LY6H: variants seen among roughly 807,000 people sequenced by gnomAD.
LY6H encodes the protein lymphocyte antigen 6 family member H.
LY6H carries 8 observed loss-of-function variants against 14.6 expected under a neutral mutation model. The observed-to-expected ratio is 0.55, with a 90% CI of 0.32 to 0.99. LY6H has a LOEUF of 0.99. LY6H is among the 50% of genes least tolerant of loss of function. The pLI is 0.04. For synonymous variants in LY6H, 115 were observed against 97.2 expected, an observed-to-expected ratio of 1.18 and a Z score of -1.08; for missense variants, 196 against 219.6, an observed-to-expected ratio of 0.89 and a Z score of 0.68.
In LY6H at chr8:143,160,221, G is replaced by A. The variant is rs761914640; in HGVS notation, c.-22C>T. Reference sequence around the variant, plus strand: ...ACATCCCGGGGGTGTCCGCACTCCGGGCTCGGGCGGCGTGCGCGGCGCGGG... The same window carrying A: ...ACATCCCGGGGGTGTCCGCACTCCGAGCTCGGGCGGCGTGCGCGGCGCGGG... On this transcript the variant is annotated 5_prime_UTR_variant, in exon 1 of 4. Coordinates refer to ENST00000342752, the MANE Select transcript of LY6H (RefSeq NM_001135655.2). 7.8e-7 allele frequency: 1 copy of A among 1,282,574 alleles called. No individual in the cohort carries two copies. Among genetic ancestry groups the A allele is most frequent in the Non-Finnish European group, 9.9e-7 (1 of 1,014,114 alleles). 79.4% of individuals were successfully genotyped at this position (1,282,574 alleles called of 1,614,324 possible).
intron 2 of LY6H, 122 bp downstream of exon 2, chr8:143,159,460 G>A: frequency 1.7e-6 from 2 of 1,189,526 alleles, no homozygotes; most frequent in Non-Finnish European, 2.2e-6. Flanking sequence ...TCCCGGAGGG[G>A]GCGTGGGCTC....
rs777706253 is a variant in LY6H, at chr8:143,160,186, G to A, written c.2+12C>T. 9 of 1,284,182 alleles carry A rather than the reference G, an allele frequency of 7.0e-6. No homozygotes were observed. The Admixed American group carries it at 2.5e-4, about 36-fold the overall frequency. The allele number at this position is 1,284,182 out of a possible 1,614,324, so 79.5% of individuals were successfully genotyped here. A position where few individuals can be genotyped will look rare whatever the true frequency, so the allele number is the denominator to read the frequency against. The stretch of plus-strand genomic sequence containing the variant: ...GTGGAGCGCGGGCCTCGGGGTCGGG[G>A]GGCTCACTCACATCCCGGGGGTGTC... On this transcript the variant is annotated intron_variant, in intron 1 of 3. Coordinates refer to ENST00000342752, the MANE Select transcript of LY6H (RefSeq NM_001135655.2).
At chr8:143,159,991 G>C (rs373677564) in intron 1 of LY6H, 3 of 1,230,256 alleles carry the variant, frequency 2.4e-6, no homozygotes, top group African/African-American at 3.1e-5. Context: ...CTGCAGGTGC[G>C]TCCGGACAGG....
Position 143,160,240 on chromosome 8 carries a change from G to A in LY6H, c.-41C>T. ...ACTCCGGGCTCGGGCGGCGTGCGCG[G>A]CGCGGGGAGCTGTGCCCTTCGGTCT... is the stretch of plus-strand genomic sequence containing the variant. On this transcript the variant is annotated 5_prime_UTR_variant, in exon 1 of 4. Transcript: ENST00000342752. 7.8e-7 allele frequency: 1 copy of A among 1,278,260 alleles called. No individual in the cohort carries two copies. Among genetic ancestry groups the A allele is most frequent in the Non-Finnish European group, 9.9e-7 (1 of 1,011,810 alleles). The allele number at this position is 1,278,260 out of a possible 1,614,324, so 79.2% of individuals were successfully genotyped here. A position where few individuals can be genotyped will look rare whatever the true frequency, so the allele number is the denominator to read the frequency against.
chr8:143,160,055 G>A (rs1815561340), intron 1 of LY6H, 143 bp downstream of exon 1: 2 of 930,594 alleles, frequency 2.1e-6, no homozygotes, highest in South Asian at 5.3e-5. Context: ...GGAGGGGCGC[G>A]TGCCAGGTCC....
At position 143,160,261 on chromosome 8, in the gene LY6H, G is replaced by A. The variant is rs1484099769; in HGVS notation, c.-62C>T. ...CGCGGCGCGGGGAGCTGTGCCCTTC[G>A]GTCTCCCTGCGGACCGGAATCCGGG... On this transcript the variant is annotated 5_prime_UTR_variant, in exon 1 of 4. Coordinates refer to ENST00000342752, the MANE Select transcript of LY6H (RefSeq NM_001135655.2). The A allele has an allele frequency of 4.0e-6, 5 of 1,256,284 alleles. No individual in the cohort carries two copies. The highest frequency in any genetic ancestry group is 5.0e-6 in the Non-Finnish European group (5 of 995,502). 77.8% of individuals were successfully genotyped at this position (1,256,284 alleles called of 1,614,324 possible). A position where few individuals can be genotyped will look rare whatever the true frequency, so the allele number is the denominator to read the frequency against.
chr8:143,158,015 T>A lies in LY6H; in HGVS notation c.*235A>T. 1 of 463,120 alleles carries A rather than the reference T, an allele frequency of 2.2e-6. No homozygotes were observed. 28.7% of individuals were successfully genotyped at this position (463,120 alleles called of 1,614,324 possible). A position where few individuals can be genotyped will look rare whatever the true frequency, so the allele number is the denominator to read the frequency against. On this transcript the variant is annotated 3_prime_UTR_variant, in exon 4 of 4. Coordinates refer to ENST00000342752, the MANE Select transcript of LY6H (RefSeq NM_001135655.2). ...GGGACCTGGGGGTCCCCCCCCACCC[T>A]CATCCCCAGGCCTCCTGCCCAGATG...
rs1275460332 is a variant in LY6H at position 143,158,484 on chromosome 8, G to T, written c.252C>A (p.Ser84Arg). 18 of 1,609,218 alleles carry T rather than the reference G, an allele frequency of 1.1e-5. No homozygotes were observed. The highest frequency in any genetic ancestry group is 1.5e-5 in the Non-Finnish European group (18 of 1,175,834). The change falls in exon 4 of 4, where the codon AGC becomes AGA. Residue 84 changes from serine (S) to arginine (R), a missense_variant and splice_region_variant. Ser to Arg is a moderately radical substitution (Grantham distance 110). Coordinates refer to ENST00000342752, the MANE Select transcript of LY6H (RefSeq NM_001135655.2). ...TCTTGTTCACCGAGTGATCCTTCCT[G>T]CCTGGGAAGAGAAAGCGTGGCCTGG... Reference protein sequence around the residue: ...ASVRITDPSSSRKDHSVNKMC... With the variant: ...ASVRITDPSSRRKDHSVNKMC...
At position 143,158,023 on chromosome 8, in the gene LY6H, A is replaced by C; in HGVS notation, c.*227T>G. On this transcript the variant is annotated 3_prime_UTR_variant, in exon 4 of 4. Coordinates refer to ENST00000342752, the MANE Select transcript of LY6H (RefSeq NM_001135655.2). ...GGGGTCCCCCCCCACCCTCATCCCCAGGCCTCCTGCCCAGATGGCCTGGTT... is the reference window on the plus strand; with the variant it reads ...GGGGTCCCCCCCCACCCTCATCCCCCGGCCTCCTGCCCAGATGGCCTGGTT... 1.4e-5 allele frequency: 7 copies of C among 503,944 alleles called. No homozygotes were observed. Among genetic ancestry groups the C allele is most frequent in the South Asian group, 3.2e-5 (1 of 31,192 alleles). 31.2% of individuals were successfully genotyped at this position (503,944 alleles called of 1,614,324 possible). A position where few individuals can be genotyped will look rare whatever the true frequency, so the allele number is the denominator to read the frequency against.
intron 3 of LY6H, 137 bp downstream of exon 3, chr8:143,158,666 G>A (rs1486398718): frequency 3.2e-6 from 4 of 1,265,380 alleles, no homozygotes; most frequent in East Asian, 2.3e-5. Flanking sequence ...GCCAGGGGGG[G>A]ACAGCAGGAC....
In LY6H at chr8:143,157,969, C is replaced by T. The variant is rs1452275430; in HGVS notation, c.*281G>A. The T allele has an allele frequency of 1.7e-5, 8 of 459,252 alleles. No homozygotes were observed. In the East Asian group the frequency reaches 2.4e-4, roughly 14 times the overall value. 28.4% of individuals were successfully genotyped at this position (459,252 alleles called of 1,614,324 possible). On this transcript the variant is annotated 3_prime_UTR_variant, in exon 4 of 4. Transcript: ENST00000342752. ...CGCAGAAGACGCCCTTCCAGCTGGG[C>T]TGTTGCTTCACTTCCCCTCCGGGAC...
intron 1 of LY6H, 181 bp downstream of exon 1, chr8:143,160,017 C>T (rs1008498604): frequency 3.5e-6 from 4 of 1,157,674 alleles, no homozygotes; most frequent in East Asian, 6.7e-5. Context: ...GCGGCAGGGG[C>T]GGGAGCGGGT....
At chr8:143,159,482 C>T (rs1018526212) in intron 2 of LY6H, 100 bp downstream of exon 2, 60 of 1,328,614 alleles carry the variant, frequency 4.5e-5, no homozygotes, top group Admixed American at 6.6e-5. Context: ...ATGCGAAGTG[C>T]GGTGGGAACC....
intron 3 of LY6H, 27 bp downstream of exon 3, chr8:143,158,776 T>A (rs767075130): frequency 3.2e-6 from 5 of 1,560,920 alleles, no homozygotes; most frequent in Non-Finnish European, 2.6e-6. Flanking sequence ...TTTAGCACAT[T>A]CCCCACCACC....
rs1015058074 is a variant in LY6H at position 143,159,942 on chromosome 8, G to T, written c.3-233C>A. The T allele has an allele frequency of 4.8e-6, 6 of 1,241,532 alleles. No individual in the cohort carries two copies. The South Asian group carries it at 1.4e-4, about 30-fold the overall frequency. The allele number at this position is 1,241,532 out of a possible 1,614,324, so 76.9% of individuals were successfully genotyped here. ...CTCCGCCCCGCGCCGGCACCTGTGT[G>T]GGGGAGCGGATGGGGGGCGTCCTCT... is the stretch of plus-strand genomic sequence containing the variant. On this transcript the variant is annotated intron_variant, in intron 1 of 3. Coordinates refer to ENST00000342752, the MANE Select transcript of LY6H (RefSeq NM_001135655.2).
intron 2 of LY6H, chr8:143,159,209 C>T (rs1815531319): frequency 1.7e-6 from 1 of 573,538 alleles, no homozygotes; most frequent in South Asian, 2.1e-5. Flanking sequence ...CCCACACCGA[C>T]AGTGCCCCCC....
At chr8:143,160,442 G>C (rs1815573384), upstream of LY6H, 1 of 149,102 alleles carries the variant, frequency 6.7e-6, no homozygotes, top group South Asian at 2.1e-4. Context: ...CAGGTAGCTG[G>C]CCCGGGCCCT....
chr8:143,159,271 A>G, intron 2 of LY6H: 1 of 545,230 alleles, frequency 1.8e-6, no homozygotes, highest in Non-Finnish European at 3.3e-6. Context: ...GTGGGTTCCA[A>G]GCTGTGAAGG....
chr8:143,158,861 C>T lies in LY6H; in HGVS notation c.192G>A (p.Lys64=). Reference sequence around the variant, plus strand: ...ACACCGTGTCGGACGGCTGGCACTGCTTTGGGGTGCAATGGCTGGAGTTGG... The same window carrying T: ...ACACCGTGTCGGACGGCTGGCACTGTTTTGGGGTGCAATGGCTGGAGTTGG... The part of the protein sequence containing the change: ...LTTNSSHCTP[K]QCQPSDTVCA... Residue 64 remains lysine, a synonymous_variant, in exon 3 of 4, where the codon AAG becomes AAA. Coordinates refer to ENST00000342752, the MANE Select transcript of LY6H (RefSeq NM_001135655.2). The T allele has an allele frequency of 5.6e-6, 9 of 1,612,218 alleles. No homozygotes were observed. Among genetic ancestry groups the T allele is most frequent in the Non-Finnish European group, 7.6e-6 (9 of 1,178,676 alleles).
Sources: allele counts gnomAD v4.1 joint callset, GRCh38; gene constraint gnomAD v4.1.1; transcripts MANE v1.5; gene names NCBI Gene and HGNC (gene_info 2026-07-23, HGNC 2026-07-21).